The following GPR39 variants were observed in gnomAD, a reference collection of about 807,000 sequenced individuals.
The protein encoded by GPR39 is G protein-coupled receptor 39.
GPR39 carries 23 observed loss-of-function variants against 18.4 expected under a neutral mutation model. The observed-to-expected ratio is 1.25, with a 90% CI of 0.90 to 1.77. The LOEUF (loss-of-function observed/expected upper bound fraction) is 1.77, where lower values mean the gene tolerates loss of function less well. Ranked by LOEUF, GPR39 falls within the 40% of genes most tolerant of loss-of-function variation. The probability of loss-of-function intolerance (pLI) is 0.00; values close to 1 mark genes in which losing one functional copy is unlikely to be tolerated. For synonymous variants in GPR39, 280 were observed against 257.9 expected, an observed-to-expected ratio of 1.09 and a Z score of -0.82; for missense variants, 647 against 602.4, an observed-to-expected ratio of 1.07 and a Z score of -0.78.
At chr2:132,454,565 T>G (rs1327349372) in intron 1 of GPR39, among the ~76,000 whole-genome samples, 2 of 152,232 alleles carry the variant, frequency 1.3e-5, no homozygotes, top group African/African-American at 4.8e-5. Flanking sequence ...GTGCCAGTTT[T>G]CAAAGGGAAT....
At chr2:132,500,312 A>G (rs1198024111) in intron 1 of GPR39, among the ~76,000 whole-genome samples, 1 of 152,122 alleles carries the variant, frequency 6.6e-6, no homozygotes, top group Non-Finnish European at 1.5e-5. Flanking sequence ...GATTTTGTCA[A>G]ATGCTTTTTC....
chr2:132,444,770 G>A (rs1272198416), intron 1 of GPR39, among the ~76,000 whole-genome samples: 1 of 152,216 alleles, frequency 6.6e-6, no homozygotes, highest in Non-Finnish European at 1.5e-5. Flanking sequence ...GGAGAGAATG[G>A]CTATCTTCCA....
At chr2:132,583,785 A>AT (rs1274620497) in intron 1 of GPR39, among the ~76,000 whole-genome samples, 1 of 150,990 alleles carries the variant, frequency 6.6e-6, no homozygotes, top group Non-Finnish European at 1.5e-5. Flanking sequence ...CTAGCAGTTA[A>AT]TGTTCCTTGT....
At chr2:132,624,308 G>T (rs1232778639) in intron 1 of GPR39, among the ~76,000 whole-genome samples, 1 of 152,044 alleles carries the variant, frequency 6.6e-6, no homozygotes, top group Non-Finnish European at 1.5e-5. Flanking sequence ...TCATTGTAAT[G>T]ACCCCATTTT....
intron 1 of GPR39, among the ~76,000 whole-genome samples, chr2:132,434,667 A>G (rs1259999995): frequency 6.6e-6 from 1 of 152,228 alleles, no homozygotes; most frequent in Non-Finnish European, 1.5e-5. Context: ...GTCTGGAAGG[A>G]TGACACTATT....
intron 1 of GPR39, among the ~76,000 whole-genome samples, chr2:132,601,432 TA>T (rs1046667914): frequency 1.3e-5 from 2 of 151,998 alleles, no homozygotes; most frequent in East Asian, 1.9e-4. Flanking sequence ...ATAAAAACTC[TA>T]AAAAACATTA....
Position 132,417,437 on chromosome 2 carries a change from A to G in GPR39, c.395A>G (p.Glu132Gly), listed in dbSNP as rs745560418. 15 of 1,614,010 alleles carry G rather than the reference A, an allele frequency of 9.3e-6. No homozygotes were observed. The South Asian group carries it at 1.6e-4, about 18-fold the overall frequency. ...TLLHVLTLSF[E>G]RYIAICHPFR... ...CTGCACGTGCTGACACTCAGCTTTG[A>G]GCGCTACATCGCCATCTGTCACCCC... Residue 132 changes from glutamate to glycine, a missense_variant, in exon 1 of 2, where the codon GAG (glutamate) becomes GGG (glycine). Physicochemically the swap from Glu to Gly is moderately conservative, Grantham distance 98 (BLOSUM62 -2). This residue lies in a region of GPR39 where 581 missense variants were observed against 506.8 expected (regional missense o/e 1.15). Coordinates refer to ENST00000329321, the MANE Select transcript of GPR39 (RefSeq NM_001508.3).
At chr2:132,547,136 C>G (rs930051221) in intron 1 of GPR39, among the ~76,000 whole-genome samples, 2 of 152,102 alleles carry the variant, frequency 1.3e-5, no homozygotes, top group African/African-American at 2.4e-5. Flanking sequence ...AATGTTTTGC[C>G]CATTAGCTCA....
At chr2:132,464,591 C>T (rs1046329698) in intron 1 of GPR39, among the ~76,000 whole-genome samples, 1 of 152,164 alleles carries the variant, frequency 6.6e-6, no homozygotes, top group African/African-American at 2.4e-5. Flanking sequence ...AAACATCTCA[C>T]TCATGCTGCT....
At chr2:132,543,003 C>A (rs183760068) in intron 1 of GPR39, among the ~76,000 whole-genome samples, 1 of 152,236 alleles carries the variant, frequency 6.6e-6, no homozygotes, top group African/African-American at 2.4e-5. Context: ...GGCTGGAACC[C>A]AGTATGGGGG....
chr2:132,416,985 G>C lies in GPR39; in HGVS notation c.-58G>C. 2 of 1,579,474 alleles carry C rather than the reference G, an allele frequency of 1.3e-6. No individual in the cohort carries two copies. The highest frequency in any genetic ancestry group is 1.7e-6 in the Non-Finnish European group (2 of 1,162,142). On this transcript the variant is annotated 5_prime_UTR_variant, in exon 1 of 2. Coordinates refer to ENST00000329321, the MANE Select transcript of GPR39 (RefSeq NM_001508.3). ...GCAGCCAAGAATTTTGGACGCTGCT[G>C]GGAGGAGAAAGGGAAGTTGAGAAAG...
intron 1 of GPR39, among the ~76,000 whole-genome samples, chr2:132,557,384 G>A (rs1483100083): frequency 6.6e-6 from 1 of 152,084 alleles, no homozygotes; most frequent in Non-Finnish European, 1.5e-5. Flanking sequence ...CTACCATGGG[G>A]TTTTGGACAA....
At chr2:132,456,749 G>T (rs1488121966) in intron 1 of GPR39, among the ~76,000 whole-genome samples, 2 of 152,110 alleles carry the variant, frequency 1.3e-5, no homozygotes, top group Non-Finnish European at 2.9e-5. Flanking sequence ...GCTTAGTTTG[G>T]CTGGATATGA....
intron 1 of GPR39, among the ~76,000 whole-genome samples, chr2:132,502,940 C>A (rs1280645686): frequency 6.6e-6 from 1 of 152,042 alleles, no homozygotes; most frequent in Admixed American, 6.6e-5. Flanking sequence ...TATTTATGAT[C>A]TCTGTTTCAC....
At chr2:132,537,659 C>G (rs561359601) in intron 1 of GPR39, among the ~76,000 whole-genome samples, 2 of 152,076 alleles carry the variant, frequency 1.3e-5, no homozygotes, top group African/African-American at 2.4e-5. Context: ...GTTCCATTCT[C>G]TCCATCTTTT....
At chr2:132,613,262 G>A (rs565177483) in intron 1 of GPR39, among the ~76,000 whole-genome samples, 12 of 152,110 alleles carry the variant, frequency 7.9e-5, no homozygotes, top group South Asian at 6.2e-4. Context: ...TAGCTCTGTC[G>A]CACTCCATGT....
intron 1 of GPR39, among the ~76,000 whole-genome samples, chr2:132,422,999 C>T (rs926484512): frequency 7.2e-5 from 11 of 151,958 alleles, no homozygotes; most frequent in South Asian, 2.1e-4. Flanking sequence ...AAGCCATTTA[C>T]GAGTTGAGAC....
chr2:132,446,249 TAGTG>T (rs1449141771), intron 1 of GPR39, among the ~76,000 whole-genome samples: 2 of 152,230 alleles, frequency 1.3e-5, no homozygotes, highest in Non-Finnish European at 2.9e-5. Context: ...CACCCATTAA[TAGTG>T]AGCACCCACT....
At chr2:132,489,620 TG>T (rs1217036463) in intron 1 of GPR39, among the ~76,000 whole-genome samples, 1 of 151,816 alleles carries the variant, frequency 6.6e-6, no homozygotes, top group Non-Finnish European at 1.5e-5. Flanking sequence ...ATGGCTGGGG[TG>T]GGGACCAGAG....
Sources: allele counts gnomAD v4.1 joint callset (sites outside exome capture counted in the v4.1 genomes callset), GRCh38; gene constraint gnomAD v4.1.1; regional missense constraint gnomAD v4.1.1; transcripts MANE v1.5; gene names NCBI Gene and HGNC (gene_info 2026-07-23, HGNC 2026-07-21).